The following GABRG2 variants were observed in gnomAD, a reference collection of about 807,000 sequenced individuals.
GABRG2 encodes the protein gamma-aminobutyric acid receptor subunit gamma-2.
In GABRG2, 16 loss-of-function variants were observed where a neutral mutation model predicts 56.4. That is an observed-to-expected ratio of 0.28 (90% confidence interval 0.19 to 0.43). GABRG2 has a LOEUF of 0.43. GABRG2 is among the 20% of genes least tolerant of loss of function. The pLI, the probability that GABRG2 is intolerant of heterozygous loss-of-function variation, is 1.00. For missense variants in GABRG2, 327 were observed against 582.7 expected (o/e 0.56, Z 4.52); for synonymous variants, 208 against 205.5 (o/e 1.01, Z -0.10).
chr5:162,070,036 C>A (rs1005569088), intron 1 of GABRG2, among the ~76,000 whole-genome samples: 1 of 152,068 alleles, frequency 6.6e-6, no homozygotes, highest in Non-Finnish European at 1.5e-5. Flanking sequence ...CCTATTTTAA[C>A]CTAAACATGT....
intron 6 of GABRG2, among the ~76,000 whole-genome samples, chr5:162,130,479 G>T (rs1481007978): frequency 1.3e-5 from 2 of 151,872 alleles, no homozygotes; most frequent in African/African-American, 4.8e-5. Flanking sequence ...TTAAGAAAAT[G>T]TCAGTGCCTG....
chr5:162,085,692 G>T (rs1490946574), intron 1 of GABRG2, among the ~76,000 whole-genome samples: 1 of 151,034 alleles, frequency 6.6e-6, no homozygotes, highest in Non-Finnish European at 1.5e-5. Flanking sequence ...TAAGCTTGGT[G>T]CCCATCAGTT....
rs190114750 is a variant in GABRG2 at position 162,112,582 on chromosome 5, G to A, written c.769+8556G>A. 1.9e-4 allele frequency among the ~76,000 whole-genome samples: 29 copies of A among 152,188 alleles called. 1 individual carries two copies. Among genetic ancestry groups the A allele is most frequent in the Non-Finnish European group, 2.6e-4 (18 of 68,002 alleles). On this transcript the variant is annotated intron_variant, in intron 6 of 9. Coordinates refer to ENST00000639213, the MANE Select transcript of GABRG2 (RefSeq NM_198904.4). ...TAATGCTATTCAGCATTGCAGATAC[G>A]CACTTTTAAGCATATCACAGACTGG...
intron 1 of GABRG2, among the ~76,000 whole-genome samples, chr5:162,087,139 A>C (rs1760183856): frequency 6.6e-6 from 1 of 152,066 alleles, no homozygotes. Context: ...AATCCATAGA[A>C]AATGGACTCT....
intron 4 of GABRG2, 106 bp from the exon 5 acceptor site, chr5:162,101,129 C>A: frequency 1.2e-6 from 1 of 812,688 alleles, no homozygotes; most frequent in Non-Finnish European, 2.1e-6. Context: ...TGTTTTCAAT[C>A]AGAATGTGAG....
At chr5:162,110,399 G>A (rs2113414233) in intron 6 of GABRG2, among the ~76,000 whole-genome samples, 1 of 152,128 alleles carries the variant, frequency 6.6e-6, no homozygotes, top group South Asian at 2.1e-4. Context: ...TTAATACCAA[G>A]TTCAAGTCCA....
chr5:162,098,654 C>T (rs1032023809), intron 4 of GABRG2: 4 of 152,146 alleles, frequency 2.6e-5, no homozygotes, highest in East Asian at 1.9e-4. Flanking sequence ...ACTAGGGCAA[C>T]GCTCCAGCAT....
At chr5:162,090,878 G>GTT (rs1760521129) in intron 1 of GABRG2, among the ~76,000 whole-genome samples, 1 of 152,050 alleles carries the variant, frequency 6.6e-6, no homozygotes, top group Non-Finnish European at 1.5e-5. Flanking sequence ...TTCTTATGGA[G>GTT]TCTACAGTTC....
rs3079259 is a variant in GABRG2 at position 162,118,204 on chromosome 5, G to GGTGTGTGTGT, written c.769+14203_769+14212dup. Among the ~76,000 whole-genome samples the GGTGTGTGTGT allele has an allele frequency of 3.0e-3, 443 of 146,186 alleles. 3 individuals are homozygous for GGTGTGTGTGT. The highest frequency in any genetic ancestry group is 0.011 in the African/African-American group (419 of 39,824). On this transcript the variant is annotated intron_variant, in intron 6 of 9. Coordinates refer to ENST00000639213, the MANE Select transcript of GABRG2 (RefSeq NM_198904.4). ...TATTGCTGTTCATAGAGGTTCTGAT[G>GGTGTGTGTGT]GTGTGTGTGTGTGTGTGTGTGTGTG...
At chr5:162,149,829 GT>G in intron 8 of GABRG2, 2 of 345,664 alleles carry the variant, frequency 5.8e-6, no homozygotes, top group Non-Finnish European at 1.1e-5. Context: ...GGTCAGGCTG[GT>G]CTCGAACTCC....
chr5:162,088,872 A>G (rs1760338772), intron 1 of GABRG2, among the ~76,000 whole-genome samples: 1 of 152,166 alleles, frequency 6.6e-6, no homozygotes, highest in African/African-American at 2.4e-5. Context: ...AGTTATACCT[A>G]GAACATAGCG....
chr5:162,127,578 A>G (rs1476285650), intron 6 of GABRG2, among the ~76,000 whole-genome samples: 2 of 151,934 alleles, frequency 1.3e-5, no homozygotes, highest in Non-Finnish European at 2.9e-5. Flanking sequence ...GAATGAATGA[A>G]TGACAATGAA....
chr5:162,080,108 C>T (rs1043440403), intron 1 of GABRG2, among the ~76,000 whole-genome samples: 2 of 152,158 alleles, frequency 1.3e-5, no homozygotes, highest in African/African-American at 2.4e-5. Flanking sequence ...CCGCCTACTT[C>T]CTGTCTTCCT....
At chr5:162,115,956 G>T (rs1346193404) in intron 6 of GABRG2, among the ~76,000 whole-genome samples, 1 of 151,958 alleles carries the variant, frequency 6.6e-6, no homozygotes, top group Non-Finnish European at 1.5e-5. Context: ...TTTTCCAGAT[G>T]AAATTTCCAG....
At chr5:162,085,168 A>C (rs1213568038) in intron 1 of GABRG2, among the ~76,000 whole-genome samples, 1 of 151,924 alleles carries the variant, frequency 6.6e-6, no homozygotes, top group African/African-American at 2.4e-5. Flanking sequence ...CATATGCCAT[A>C]TTTTATTTAC....
intron 6 of GABRG2, among the ~76,000 whole-genome samples, chr5:162,128,102 CAGA>C (rs1381671396): frequency 6.6e-6 from 1 of 151,992 alleles, no homozygotes; most frequent in Non-Finnish European, 1.5e-5. Context: ...TCAAATTATT[CAGA>C]AGAAGGGAAA....
At chr5:162,148,346 GC>G (rs1202882377) in intron 7 of GABRG2, among the ~76,000 whole-genome samples, 29 of 152,158 alleles carry the variant, frequency 1.9e-4, no homozygotes, top group Non-Finnish European at 4.0e-4. Flanking sequence ...TGTATATGAA[GC>G]GCTTATCACT....
rs115944751 is a variant in GABRG2, at chr5:162,096,894, T to C, written c.328-744T>C. 5.2e-3 allele frequency among the ~76,000 whole-genome samples: 796 copies of C among 152,252 alleles called. 6 individuals carry two copies. The highest frequency in any genetic ancestry group is 0.017 in the African/African-American group (712 of 41,542). On this transcript the variant is annotated intron_variant, in intron 3 of 9. Coordinates refer to ENST00000639213, the MANE Select transcript of GABRG2 (RefSeq NM_198904.4). The stretch of plus-strand genomic sequence containing the variant: ...TTATAAATTATTTTTAATTGTTAAT[T>C]TCATCTTGTTTAGAGAAAAGAACAA...
chr5:162,083,306 C>T (rs948912387), intron 1 of GABRG2, among the ~76,000 whole-genome samples: 2 of 151,694 alleles, frequency 1.3e-5, no homozygotes, highest in Non-Finnish European at 3.0e-5. Context: ...TTCTCAGTGA[C>T]CTTTAAATGA....
Sources: allele counts gnomAD v4.1 joint callset (sites outside exome capture counted in the v4.1 genomes callset), GRCh38; gene constraint gnomAD v4.1.1; transcripts MANE v1.5; gene names NCBI Gene and HGNC (gene_info 2026-07-23, HGNC 2026-07-21).